The following ADNP2 variants were observed in gnomAD, a reference collection of about 807,000 sequenced individuals.
The protein encoded by ADNP2 is activity-dependent neuroprotector homeobox protein 2.
Under a neutral mutation model 16.4 loss-of-function variants are expected in ADNP2, and 8 were observed. That is an observed-to-expected ratio of 0.49 (90% CI 0.29 to 0.88). The LOEUF is 0.88. Ranked by LOEUF, ADNP2 falls within the 40% of genes least tolerant of loss-of-function variation. The pLI, the probability that ADNP2 is intolerant of heterozygous loss-of-function variation, is 0.09. For missense variants in ADNP2, 1,397 were observed against 1,395.1 expected (o/e 1.00, Z -0.02); for synonymous variants, 637 against 545.8 (o/e 1.17, Z -2.33).
chr18:80,119,701 A>G (rs1011904414), intron 2 of ADNP2, among the ~76,000 whole-genome samples: 4 of 152,226 alleles, frequency 2.6e-5, no homozygotes, highest in African/African-American at 9.6e-5. Context: ...TTTCTAAACT[A>G]TATCTAAACC....
chr18:80,137,786 T>C lies in ADNP2; in HGVS notation c.2373T>C (p.Asn791=), dbSNP rs1419751811. The C allele has an allele frequency of 2.5e-6, 4 of 1,614,116 alleles. No homozygotes were observed. The highest frequency in any genetic ancestry group is 3.4e-6 in the Non-Finnish European group (4 of 1,180,052). Residue 791 remains asparagine (N), a synonymous_variant, in exon 4 of 4, where the codon AAT becomes AAC. Coordinates refer to ENST00000262198, the MANE Select transcript of ADNP2 (RefSeq NM_014913.4). The surrounding 1 kb of genome is among the most constrained non-coding windows in gnomAD (Gnocchi z 4.2). ...AAGGTCTTTCAGAGCACAGCAGGAA[T>C]AGGCACCTGGGGAAGAAGAAGTTGC... The part of the protein sequence containing the change: ...DIKGLSEHSR[N]RHLGKKKLPM...
intron 2 of ADNP2, among the ~76,000 whole-genome samples, chr18:80,130,450 C>G (rs1285526354): frequency 6.6e-6 from 1 of 152,150 alleles, no homozygotes; most frequent in African/African-American, 2.4e-5. Flanking sequence ...TTTTGTATGA[C>G]TACACTTTCT....
At position 80,117,525 on chromosome 18, in the gene ADNP2, T is replaced by C. The variant is rs766420991; in HGVS notation, c.-13-5T>C. 2 of 1,567,236 alleles carry C rather than the reference T, an allele frequency of 1.3e-6. No individual in the cohort carries two copies. The highest frequency in any genetic ancestry group is 8.6e-7 in the Non-Finnish European group (1 of 1,156,716). ...TATTACAGTTTTGTTTTCTTTCCTTTTAAGGAAAATTTCAAAAATGTTTCA... is the reference window on the plus strand; with the variant it reads ...TATTACAGTTTTGTTTTCTTTCCTTCTAAGGAAAATTTCAAAAATGTTTCA... On this transcript the variant is annotated splice_polypyrimidine_tract_variant and splice_region_variant and intron_variant, in intron 1 of 3. Transcript: ENST00000262198.
intron 2 of ADNP2, among the ~76,000 whole-genome samples, chr18:80,132,403 A>G (rs1230981987): frequency 6.6e-6 from 1 of 152,188 alleles, no homozygotes; most frequent in Non-Finnish European, 1.5e-5. Flanking sequence ...TGCATAGGTT[A>G]CATGCAAGTA....
At chr18:80,126,492 A>G (rs954377828) in intron 2 of ADNP2, among the ~76,000 whole-genome samples, 15 of 152,188 alleles carry the variant, frequency 9.9e-5, no homozygotes, top group African/African-American at 3.6e-4. Context: ...TCTCTCTAAA[A>G]AAAAGTTGTC....
intron 2 of ADNP2, among the ~76,000 whole-genome samples, chr18:80,126,634 C>T (rs563680480): frequency 7.1e-4 from 108 of 152,204 alleles, no homozygotes; most frequent in Non-Finnish European, 1.1e-3. Flanking sequence ...TTTTGTTCCT[C>T]TCTGTATTTT....
chr18:80,138,429 C>G lies in ADNP2; in HGVS notation c.3016C>G (p.Pro1006Ala), dbSNP rs915119988. ...TCCCATCCTAAATGCCGATGCAGCCCCGGGTCCAGAAAAGGTGACGAGTGT... is the reference window on the plus strand; with the variant it reads ...TCCCATCCTAAATGCCGATGCAGCCGCGGGTCCAGAAAAGGTGACGAGTGT... Reference protein sequence around the residue: ...QPPILNADAAPGPEKVTSVVP... With the variant: ...QPPILNADAAAGPEKVTSVVP... The change falls in exon 4 of 4, where the codon CCG becomes GCG. Residue 1006 changes from proline to alanine, a missense_variant. Physicochemically the swap from Pro to Ala is conservative, Grantham distance 27. This residue lies in a region of ADNP2 where 611 missense variants were observed against 648.7 expected (regional missense o/e 0.94). Coordinates refer to ENST00000262198, the MANE Select transcript of ADNP2 (RefSeq NM_014913.4). 1 of 1,614,024 alleles carries G rather than the reference C, an allele frequency of 6.2e-7. No homozygotes were observed. The highest frequency in any genetic ancestry group is 1.3e-5 in the African/African-American group (1 of 75,030).
chr18:80,117,417 A>C, intron 1 of ADNP2, 113 bp from the exon 2 acceptor site: 1 of 578,906 alleles, frequency 1.7e-6, no homozygotes, highest in Non-Finnish European at 2.8e-6. Context: ...GTTCTACAAC[A>C]ATTTGTTGAA....
At position 80,138,646 on chromosome 18, in the gene ADNP2, C is replaced by T. The variant is rs376709771; in HGVS notation, c.3233C>T (p.Ser1078Leu). 9.4e-5 allele frequency: 152 copies of T among 1,611,150 alleles called. No homozygotes were observed. The highest frequency in any genetic ancestry group is 1.2e-4 in the Non-Finnish European group (147 of 1,179,404). The change falls in exon 4 of 4, where the codon TCA becomes TTA. Residue 1078 changes from serine to leucine, a missense_variant. Physicochemically the swap from Ser to Leu is moderately radical, Grantham distance 145. Coordinates refer to ENST00000262198, the MANE Select transcript of ADNP2 (RefSeq NM_014913.4). ...AAAAAGGAAATAGAACTGTTGTCCT[C>T]ACTCTTTTGGGTGTGGAAAATTGAT... ...PSKKEIELLS[S>L]LFWVWKIDVA...
intron 2 of ADNP2, among the ~76,000 whole-genome samples, chr18:80,121,243 A>C (rs968695621): frequency 2.0e-5 from 3 of 151,668 alleles, no homozygotes; most frequent in African/African-American, 7.3e-5. Flanking sequence ...CCATCCTAAT[A>C]GTGTAAAGTG....
intron 3 of ADNP2, 28 bp from the exon 4 acceptor site, chr18:80,135,584 T>C (rs768009895): frequency 6.3e-7 from 1 of 1,579,582 alleles, no homozygotes; most frequent in Non-Finnish European, 8.6e-7. Flanking sequence ...TATTCAATTA[T>C]GCTTAAGGCT....
chr18:80,110,531 A>AAG (rs1158965389), intron 1 of ADNP2, among the ~76,000 whole-genome samples: 1 of 152,062 alleles, frequency 6.6e-6, no homozygotes, highest in East Asian at 1.9e-4. Flanking sequence ...CCTTTATCAA[A>AAG]AGAGGGGGTT....
rs1370486386 is a variant in ADNP2 at position 80,109,485 on chromosome 18, C to G, written c.-14+13C>G. 6.8e-6 allele frequency: 1 copy of G among 147,838 alleles called. No homozygotes were observed. The highest frequency in any genetic ancestry group is 1.5e-5 in the Non-Finnish European group (1 of 66,338). The allele number at this position is 147,838 out of a possible 1,614,324, so 9.2% of individuals were successfully genotyped here. On this transcript the variant is annotated intron_variant, in intron 1 of 3. Coordinates refer to ENST00000262198, the MANE Select transcript of ADNP2 (RefSeq NM_014913.4). ...CGGGCGCCAAGCGGTAGGTACGGCCCGGCCCGGCGCGGGCCCGCGCGGCGA... is the reference window on the plus strand; with the variant it reads ...CGGGCGCCAAGCGGTAGGTACGGCCGGGCCCGGCGCGGGCCCGCGCGGCGA...
At chr18:80,113,665 T>C (rs762077567) in intron 1 of ADNP2, among the ~76,000 whole-genome samples, 14 of 152,180 alleles carry the variant, frequency 9.2e-5, no homozygotes, top group Non-Finnish European at 1.5e-4. Context: ...TACTGTGCTC[T>C]GTGATGGGAC....
At chr18:80,111,126 A>G (rs933537364) in intron 1 of ADNP2, among the ~76,000 whole-genome samples, 1 of 152,170 alleles carries the variant, frequency 6.6e-6, no homozygotes, top group Non-Finnish European at 1.5e-5. Context: ...AATGTGTTAC[A>G]TAGGTGGAAA....
intron 1 of ADNP2, among the ~76,000 whole-genome samples, chr18:80,111,479 G>A (rs913444682): frequency 6.6e-6 from 1 of 151,916 alleles, no homozygotes; most frequent in Non-Finnish European, 1.5e-5. Flanking sequence ...CCTTTTTGGT[G>A]ACCATCGTTT....
Position 80,137,557 on chromosome 18 carries a change from C to T in ADNP2, c.2144C>T (p.Ala715Val), listed in dbSNP as rs776040702. The change falls in exon 4 of 4, where the codon GCG (alanine) becomes GTG (valine). Residue 715 changes from alanine to valine, a missense_variant. Around this residue, in one of 3 missense-constraint regions of ADNP2, gnomAD observed 611 missense variants for 648.7 expected, o/e 0.94. Transcript: ENST00000262198. The surrounding 1 kb of genome is among the most constrained non-coding windows in gnomAD (Gnocchi z 4.2). ...GTCTACCAGGTCCACATGGAGGTAGCGCATAAGCACAGCGAGTCCAAGTCT... is the reference window on the plus strand; with the variant it reads ...GTCTACCAGGTCCACATGGAGGTAGTGCATAAGCACAGCGAGTCCAAGTCT... The part of the protein sequence containing the change: ...SNVYQVHMEV[A>V]HKHSESKSGE... 3 of 1,614,102 alleles carry T rather than the reference C, an allele frequency of 1.9e-6. No individual in the cohort carries two copies. Among genetic ancestry groups the T allele is most frequent in the African/African-American group, 2.7e-5 (2 of 74,924 alleles).
In ADNP2 at chr18:80,137,133, A is replaced by G. The variant is rs79680240; in HGVS notation, c.1720A>G (p.Asn574Asp). The G allele has an allele frequency of 6.2e-7, 1 of 1,614,172 alleles. No individual in the cohort carries two copies. The highest frequency in any genetic ancestry group is 2.2e-5 in the East Asian group (1 of 44,888). The change falls in exon 4 of 4, where the codon AAC becomes GAC. Residue 574 changes from asparagine (N) to aspartate (D), a missense_variant. This residue lies in a region of ADNP2 where 777 missense variants were observed against 719.4 expected (regional missense o/e 1.08). Transcript: ENST00000262198. The surrounding 1 kb of genome is among the most constrained non-coding windows in gnomAD (Gnocchi z 4.2). ...GCAACTCAACCAGACTGTGGGCACC[A>G]ACATTCTGCCTGTGAATCAGCCAGT... ...VLQLNQTVGTNILPVNQPVRP... is the reference protein window; with the variant it reads ...VLQLNQTVGTDILPVNQPVRP...
In ADNP2 at chr18:80,138,054, T is replaced by G; in HGVS notation, c.2641T>G (p.Phe881Val). 6.2e-7 allele frequency: 1 copy of G among 1,613,832 alleles called. No individual in the cohort carries two copies. Among genetic ancestry groups the G allele is most frequent in the Non-Finnish European group, 8.5e-7 (1 of 1,180,028 alleles). The change falls in exon 4 of 4, where the codon TTT becomes GTT. Residue 881 changes from phenylalanine (F) to valine (V), a missense_variant. Physicochemically the swap from Phe to Val is conservative, Grantham distance 50. Around this residue, in one of 3 missense-constraint regions of ADNP2, gnomAD observed 611 missense variants for 648.7 expected, o/e 0.94. Coordinates refer to ENST00000262198, the MANE Select transcript of ADNP2 (RefSeq NM_014913.4). ...GCGAGTGTCCACCTGCCCCTTTTGCTTTGGCCCCTTTGTGACAACTGAGGC... is the reference window on the plus strand; with the variant it reads ...GCGAGTGTCCACCTGCCCCTTTTGCGTTGGCCCCTTTGTGACAACTGAGGC... ...GKRVSTCPFC[F>V]GPFVTTEAYE... is the part of the protein sequence containing the mutation.
Sources: gnomAD v4.1 joint callset for allele counts (sites outside exome capture counted in the v4.1 genomes callset) on GRCh38, gnomAD v4.1.1 for gene constraint, gnomAD v4.1.1 regional missense constraint, Gnocchi (gnomAD v3.1) non-coding constraint, MANE v1.5 for transcripts, NCBI Gene and HGNC (gene_info 2026-07-23, HGNC 2026-07-21) for gene names.